Variants in TMEM163 observed in about 807,000 individuals in gnomAD.
TMEM163 encodes the protein transmembrane protein 163.
A neutral mutation model predicts 29.3 loss-of-function variants in TMEM163; 17 were observed. The observed-to-expected ratio is 0.58, with a 90% CI of 0.40 to 0.87. The LOEUF (loss-of-function observed/expected upper bound fraction) is 0.87, where lower values mean the gene tolerates loss of function less well. TMEM163 is among the 40% of genes least tolerant of loss of function. The pLI, the probability that TMEM163 is intolerant of heterozygous loss-of-function variation, is 0.00. For synonymous variants in TMEM163, 157 were observed against 160.6 expected, an observed-to-expected ratio of 0.98 and a Z score of 0.17; for missense variants, 303 against 381.5, an observed-to-expected ratio of 0.79 and a Z score of 1.71.
intron 2 of TMEM163, among the ~76,000 whole-genome samples, chr2:134,674,499 G>GCA (rs1480632757): frequency 1.5e-3 from 133 of 88,014 alleles, no homozygotes; most frequent in African/African-American, 6.7e-3. Context: ...GCGCGCGCGC[G>GCA]CGCGCGCGCG....
intron 5 of TMEM163, among the ~76,000 whole-genome samples, chr2:134,473,718 T>C (rs1200197992): frequency 6.6e-6 from 1 of 152,084 alleles, no homozygotes; most frequent in East Asian, 1.9e-4. Context: ...TCACTACAGA[T>C]CCAACAGGAT....
intron 2 of TMEM163, among the ~76,000 whole-genome samples, chr2:134,617,527 G>A (rs1408131512): frequency 1.3e-5 from 2 of 151,606 alleles, no homozygotes; most frequent in Non-Finnish European, 2.9e-5. Flanking sequence ...ACTTGAACTC[G>A]GGCAACAGAG....
At chr2:134,703,481 G>C (rs560388882) in intron 2 of TMEM163, among the ~76,000 whole-genome samples, 2 of 152,192 alleles carry the variant, frequency 1.3e-5, no homozygotes, top group South Asian at 4.1e-4. Context: ...AATTGTACAA[G>C]AAAGAAGTCA....
intron 5 of TMEM163, among the ~76,000 whole-genome samples, chr2:134,488,730 T>G (rs190074873): frequency 6.6e-6 from 1 of 151,998 alleles, no homozygotes; most frequent in Non-Finnish European, 1.5e-5. Flanking sequence ...TAATACAACA[T>G]AGAACAAGAC....
chr2:134,487,278 C>T (rs933433587), intron 5 of TMEM163, among the ~76,000 whole-genome samples: 2 of 152,078 alleles, frequency 1.3e-5, no homozygotes, highest in African/African-American at 4.8e-5. Flanking sequence ...TTAATGAGAA[C>T]AATATTCAAG....
rs1256732750 is a variant in TMEM163, at chr2:134,655,135, C to A, written c.322+58065G>T. On this transcript the variant is annotated intron_variant, in intron 2 of 7. Coordinates refer to ENST00000281924, the MANE Select transcript of TMEM163 (RefSeq NM_030923.5). ...TGAAGTTCTCCTGGATAATATCCTGCAGAGTGTTTTCCAACTTGGTTCCAT... is the reference window on the plus strand; with the variant it reads ...TGAAGTTCTCCTGGATAATATCCTGAAGAGTGTTTTCCAACTTGGTTCCAT... 8.0e-5 allele frequency among the ~76,000 whole-genome samples: 11 copies of A among 138,142 alleles called. 1 individual carries two copies. The South Asian group carries it at 1.2e-3, about 15-fold the overall frequency. 90.6% of individuals were successfully genotyped at this position (138,142 alleles called of 152,430 possible).
intron 2 of TMEM163, among the ~76,000 whole-genome samples, chr2:134,664,330 G>A (rs545848262): frequency 6.6e-6 from 1 of 152,332 alleles, no homozygotes; most frequent in Non-Finnish European, 1.5e-5. Context: ...TCGCCCGGAG[G>A]ACTGGTTAAG....
chr2:134,516,346 T>C (rs655492), intron 4 of TMEM163, among the ~76,000 whole-genome samples: 51,114 of 151,702 alleles, frequency 0.34, 9,226 homozygotes, highest in South Asian at 0.62. Context: ...AGATCACTCG[T>C]GGTCAGGAGT....
At chr2:134,658,815 T>C (rs1683681524) in intron 2 of TMEM163, among the ~76,000 whole-genome samples, 1 of 152,138 alleles carries the variant, frequency 6.6e-6, no homozygotes, top group African/African-American at 2.4e-5. Flanking sequence ...GCCAGGATGG[T>C]CTTGATCACC....
chr2:134,634,008 T>C (rs1341760858), intron 2 of TMEM163, among the ~76,000 whole-genome samples: 2 of 31,892 alleles, frequency 6.3e-5, no homozygotes, highest in African/African-American at 2.2e-4. Context: ...TATATATATA[T>C]ATATATATAT....
intron 2 of TMEM163, among the ~76,000 whole-genome samples, chr2:134,649,997 C>T (rs1447404012): frequency 2.4e-5 from 3 of 125,232 alleles, no homozygotes; most frequent in Admixed American, 8.6e-5. Context: ...AGAGTGAGAC[C>T]CTGTCTTAAA....
intron 5 of TMEM163, among the ~76,000 whole-genome samples, chr2:134,493,158 A>G (rs1292131091): frequency 2.6e-5 from 4 of 152,096 alleles, no homozygotes; most frequent in African/African-American, 7.2e-5. Flanking sequence ...ATCTGCATAA[A>G]TCATATAAGT....
At chr2:134,507,428 C>A (rs1679849418) in intron 4 of TMEM163, among the ~76,000 whole-genome samples, 1 of 152,280 alleles carries the variant, frequency 6.6e-6, no homozygotes, top group African/African-American at 2.4e-5. Flanking sequence ...CAGCAGCACC[C>A]GCGTCACATA....
chr2:134,669,185 A>G (rs1223553750), intron 2 of TMEM163, among the ~76,000 whole-genome samples: 2 of 152,176 alleles, frequency 1.3e-5, no homozygotes, highest in African/African-American at 4.8e-5. Flanking sequence ...AAAGTCCCTC[A>G]CCACAGCAAA....
At position 134,455,943 on chromosome 2, in the gene TMEM163, T is replaced by G. The variant is rs928549635; in HGVS notation, c.*773A>C. ...GATCCATCTCTCACAGACTGTAATG[T>G]ACCCATTACCACTTAACACAGCATA... is the stretch of plus-strand genomic sequence containing the variant. On this transcript the variant is annotated 3_prime_UTR_variant, in exon 8 of 8. Transcript: ENST00000281924. The G allele has an allele frequency of 6.2e-5, 8 of 129,864 alleles. No homozygotes were observed. Among genetic ancestry groups the G allele is most frequent in the African/African-American group, 2.3e-4 (8 of 35,028 alleles). The allele number at this position is 129,864 out of a possible 1,614,324, so 8.0% of individuals were successfully genotyped here.
At chr2:134,649,869 G>A (rs1683425882) in intron 2 of TMEM163, among the ~76,000 whole-genome samples, 1 of 151,886 alleles carries the variant, frequency 6.6e-6, no homozygotes, top group African/African-American at 2.4e-5. Flanking sequence ...AGCCAGGCAT[G>A]GTAGCACAGG....
chr2:134,527,187 G>A (rs1680314243), intron 4 of TMEM163, among the ~76,000 whole-genome samples: 2 of 152,058 alleles, frequency 1.3e-5, no homozygotes, highest in African/African-American at 4.8e-5. Context: ...ATTATATCAT[G>A]TCTCTTCCAT....
chr2:134,536,374 G>A (rs1680540756), intron 4 of TMEM163, among the ~76,000 whole-genome samples: 1 of 152,198 alleles, frequency 6.6e-6, no homozygotes. Context: ...AGTGACTGAG[G>A]TTGGGGCTGT....
chr2:134,499,388 T>G (rs1313672112), intron 5 of TMEM163, among the ~76,000 whole-genome samples: 1 of 152,212 alleles, frequency 6.6e-6, no homozygotes, highest in Non-Finnish European at 1.5e-5. Flanking sequence ...AACTGCAGTT[T>G]CAGAGACGGC....
Sources: gnomAD v4.1 joint callset for allele counts (sites outside exome capture counted in the v4.1 genomes callset) on GRCh38, gnomAD v4.1.1 for gene constraint, MANE v1.5 for transcripts, NCBI Gene and HGNC (gene_info 2026-07-23, HGNC 2026-07-21) for gene names.